The following POLRMT variants were observed in gnomAD, a reference collection of about 807,000 sequenced individuals.
POLRMT encodes the protein RNA polymerase mitochondrial.
In POLRMT, 114 loss-of-function variants were observed where a neutral mutation model predicts 132.2. The ratio of observed to expected loss-of-function variants is 0.86; its 90% confidence interval spans 0.74 to 1.01. The LOEUF (loss-of-function observed/expected upper bound fraction) is 1.01, where lower values mean the gene tolerates loss of function less well. Ranked by LOEUF, POLRMT falls within the 50% of genes least tolerant of loss-of-function variation. The pLI, the probability that POLRMT is intolerant of heterozygous loss-of-function variation, is 0.00. For missense variants in POLRMT, 2,003 were observed against 1,729.1 expected, an observed-to-expected ratio of 1.16 and a Z score of -2.81; for synonymous variants, 1,020 against 773.4, an observed-to-expected ratio of 1.32 and a Z score of -5.29.
intron 2 of POLRMT, 115 bp from the exon 3 acceptor site, chr19:630,283 A>T: frequency 7.9e-7 from 1 of 1,271,008 alleles, no homozygotes; most frequent in Non-Finnish European, 1.1e-6. Flanking sequence ...GCTGGGACCC[A>T]AGGCGTGAAT....
In POLRMT at chr19:621,441, CG is replaced by C; in HGVS notation, c.2256del (p.Ala753ProfsTer99). 1 of 1,439,272 alleles carries C rather than the reference CG, an allele frequency of 6.9e-7. No homozygotes were observed. Among genetic ancestry groups the C allele is most frequent in the Non-Finnish European group, 9.1e-7 (1 of 1,101,344 alleles). The allele number at this position is 1,439,272 out of a possible 1,614,324, so 89.2% of individuals were successfully genotyped here. A position where few individuals can be genotyped will look rare whatever the true frequency, so the allele number is the denominator to read the frequency against. On this transcript the variant is annotated frameshift_variant, in exon 10 of 21. Transcript: ENST00000588649. LOFTEE classifies it high-confidence loss of function. Reference protein sequence around the residue: ...PEAHLPHSAAPARKAELRREL... With the variant: ...PEAHLPHSAAXARKAELRREL... Reference sequence around the variant, plus strand: ...TCACGGCGCAGCTCGGCCTTGCGGGCGGGCGCGGCGCTGTGCGGCAGGTGGG... The same window carrying C: ...TCACGGCGCAGCTCGGCCTTGCGGGCGGCGCGGCGCTGTGCGGCAGGTGGG...
In POLRMT at chr19:623,110, G is replaced by A. The variant is rs1216455753; in HGVS notation, c.1291-125C>T. The stretch of plus-strand genomic sequence containing the variant: ...CCTCAAGGTCCCTGCTGTGTGTTCC[G>A]GGTAGCTCCTCACCCCGGCCTGCCC... On this transcript the variant is annotated intron_variant, in intron 6 of 20. Transcript: ENST00000588649. The A allele has an allele frequency of 4.0e-6, 5 of 1,246,030 alleles. No individual in the cohort carries two copies. In the African/African-American group the frequency reaches 4.5e-5, roughly 11 times the overall value. 77.2% of individuals were successfully genotyped at this position (1,246,030 alleles called of 1,614,324 possible). A position where few individuals can be genotyped will look rare whatever the true frequency, so the allele number is the denominator to read the frequency against.
At chr19:626,896 C>CATATATATATATATAT (rs1241035009) in intron 3 of POLRMT, among the ~76,000 whole-genome samples, 3 of 141,838 alleles carry the variant, frequency 2.1e-5, no homozygotes, top group African/African-American at 8.1e-5. Context: ...TACACACACA[C>CATATATATATATATAT]ACATATATAT....
rs537631301 is a variant in POLRMT at position 625,456 on chromosome 19, G to A, written c.823-202C>T. On this transcript the variant is annotated intron_variant, in intron 3 of 20. Coordinates refer to ENST00000588649, the MANE Select transcript of POLRMT (RefSeq NM_005035.4). Reference sequence around the variant, plus strand: ...ACCTGCAGAGGCAGCCGCATGGCCCGCCAGGTGGGACTGTGGGAGGTTCAC... The same window carrying A: ...ACCTGCAGAGGCAGCCGCATGGCCCACCAGGTGGGACTGTGGGAGGTTCAC... 3.5e-3 allele frequency: 2,145 copies of A among 606,394 alleles called. 8 individuals are homozygous for A. The highest frequency in any genetic ancestry group is 5.1e-3 in the Non-Finnish European group (1,850 of 362,720). 37.6% of individuals were successfully genotyped at this position (606,394 alleles called of 1,614,324 possible). A position where few individuals can be genotyped will look rare whatever the true frequency, so the allele number is the denominator to read the frequency against.
chr19:624,918 C>T lies in POLRMT; in HGVS notation c.954-13G>A, dbSNP rs914956611. The T allele has an allele frequency of 8.1e-6, 13 of 1,596,146 alleles. No homozygotes were observed. Among genetic ancestry groups the T allele is most frequent in the East Asian group, 6.7e-5 (3 of 44,540 alleles). ...CTGTTCCAGACACCTGTGGTGCAGG[C>T]GGCCTGCTCGAGGGACGGGCCAGCC... On this transcript the variant is annotated splice_polypyrimidine_tract_variant and intron_variant, in intron 4 of 20. Transcript: ENST00000588649.
Position 617,460 on chromosome 19 carries a change from G to A in POLRMT, c.3602C>T (p.Ala1201Val). Residue 1201 changes from alanine (A) to valine (V), a missense_variant, in exon 20 of 21, where the codon GCC (alanine) becomes GTC (valine). Physicochemically the swap from Ala to Val is moderately conservative, Grantham distance 64 (BLOSUM62 0). Transcript: ENST00000588649. ...CTGCAGTGTCTCCTTCAGCTGGCTG[G>A]CCTCCAAGATCTTCTGGGGCCTGGG... ...FCSEPQKILE[A>V]SQLKETLQAV... is the part of the protein sequence containing the mutation. The A allele has an allele frequency of 6.2e-7, 1 of 1,607,242 alleles. No homozygotes were observed. Among genetic ancestry groups the A allele is most frequent in the Non-Finnish European group, 8.5e-7 (1 of 1,176,894 alleles).
chr19:624,758 C>T lies in POLRMT; in HGVS notation c.1101G>A (p.Pro367=), dbSNP rs149469342. ...CCCTGAGCAGCTTGGAGGTGTTGAC[C>T]GGGGGCGGCAGCTGCGGCGGGAGGC... ...TFSLPPQLPP[P]VNTSKLLRDV... Residue 367 remains proline (P), a synonymous_variant, in exon 5 of 21, where the codon CCG becomes CCA. Transcript: ENST00000588649. 55 of 1,613,884 alleles carry T rather than the reference C, an allele frequency of 3.4e-5. No individual in the cohort carries two copies. Among genetic ancestry groups the T allele is most frequent in the African/African-American group, 1.6e-4 (12 of 75,044 alleles).
Position 619,952 on chromosome 19 carries a change from C to T in POLRMT, c.2886+6G>A. ...AGATGCCCCCGGGCAGCAGGGCACACCCTACCTGCGCGGCCACGCCGCTGT... is the reference window on the plus strand; with the variant it reads ...AGATGCCCCCGGGCAGCAGGGCACATCCTACCTGCGCGGCCACGCCGCTGT... On this transcript the variant is annotated splice_donor_region_variant and intron_variant, in intron 12 of 20. Transcript: ENST00000588649. 6.2e-7 allele frequency: 1 copy of T among 1,602,074 alleles called. No individual in the cohort carries two copies.
intron 17 of POLRMT, 199 bp downstream of exon 17, chr19:618,289 G>A (rs1391577780): frequency 5.2e-6 from 3 of 575,304 alleles, no homozygotes; most frequent in African/African-American, 1.9e-5. Context: ...TCCCTGTCGG[G>A]CCACAGGAGG....
At chr19:619,131 C>G in intron 14 of POLRMT, 21 bp from the exon 15 acceptor site, 1 of 1,611,178 alleles carries the variant, frequency 6.2e-7, no homozygotes, top group South Asian at 1.1e-5. Context: ...CAGGCCGTCT[C>G]AGGGCAGGGG....
chr19:621,458 G>A lies in POLRMT; in HGVS notation c.2240C>T (p.Pro747Leu), dbSNP rs1053936200. The change falls in exon 10 of 21, where the codon CCG (proline) becomes CTG (leucine). Residue 747 changes from proline (P) to leucine (L), a missense_variant. Transcript: ENST00000588649. Reference sequence around the variant, plus strand: ...CTTGCGGGCGGGCGCGGCGCTGTGCGGCAGGTGGGCCTCGGGCGGCTGGGG... The same window carrying A: ...CTTGCGGGCGGGCGCGGCGCTGTGCAGCAGGTGGGCCTCGGGCGGCTGGGG... ...EAPQPPEAHL[P>L]HSAAPARKAE... is the part of the protein sequence containing the mutation. 5 of 1,384,688 alleles carry A rather than the reference G, an allele frequency of 3.6e-6. No homozygotes were observed. Among genetic ancestry groups the A allele is most frequent in the Non-Finnish European group, 4.6e-6 (5 of 1,077,342 alleles). The allele number at this position is 1,384,688 out of a possible 1,614,324, so 85.8% of individuals were successfully genotyped here.
rs942333726 is a variant in POLRMT at position 620,060 on chromosome 19, C to T, written c.2784G>A (p.Leu928=). 2.6e-6 allele frequency: 4 copies of T among 1,545,928 alleles called. No individual in the cohort carries two copies. The highest frequency in any genetic ancestry group is 3.5e-6 in the Non-Finnish European group (4 of 1,150,518). Residue 928 remains leucine (L), a synonymous_variant, in exon 12 of 21, where the codon CTG becomes CTA. Coordinates refer to ENST00000588649, the MANE Select transcript of POLRMT (RefSeq NM_005035.4). ...PVHQDGSCNG[L]QHYAALGRDS... ...CGCGGCCCAGAGCAGCATAATGCTG[C>T]AGGCCGTTGCAAGAGCCGTCCTGAG...
Position 619,216 on chromosome 19 carries a change from G to A in POLRMT, c.3147C>T (p.Ala1049=), listed in dbSNP as rs1433899715. 1.9e-6 allele frequency: 3 copies of A among 1,611,280 alleles called. No individual in the cohort carries two copies. The highest frequency in any genetic ancestry group is 1.7e-6 in the Non-Finnish European group (2 of 1,179,520). ...GGGACAGGACAGGACGTACCTGGAT[G>A]GCCCGGGTCCCCGAGAACATCTCCT... The part of the protein sequence containing the change: ...SLQEMFSGTR[A]IQHWLTESAR... Residue 1049 remains alanine (A), a synonymous_variant, in exon 14 of 21, where the codon GCC becomes GCT. Transcript: ENST00000588649.
Position 623,007 on chromosome 19 carries a change from G to A in POLRMT, c.1291-22C>T, listed in dbSNP as rs41557116. 1.8e-3 allele frequency: 2,819 copies of A among 1,607,482 alleles called. 5 individuals are homozygous for A. The highest frequency in any genetic ancestry group is 0.013 in the Middle Eastern group (76 of 6,030). On this transcript the variant is annotated intron_variant, in intron 6 of 20. Coordinates refer to ENST00000588649, the MANE Select transcript of POLRMT (RefSeq NM_005035.4). ...TCCGCTGCGGGGGATGAACGGGCCC[G>A]GTGAGCCCCGTGGCAGCTGGTGGGA...
rs775420036 is a variant in POLRMT, at chr19:618,565, C to T, written c.3345G>A (p.Gln1115=). The T allele has an allele frequency of 3.8e-5, 62 of 1,613,202 alleles. No individual in the cohort carries two copies. In the Middle Eastern group the frequency reaches 6.6e-4, roughly 17 times the overall value. Residue 1115 remains glutamine (Q), a synonymous_variant, in exon 17 of 21, where the codon CAG becomes CAA. Coordinates refer to ENST00000588649, the MANE Select transcript of POLRMT (RefSeq NM_005035.4). ...TGAAGTTGGGCGGGAAGCCGTTCTT[C>T]TGCTTACGTGTGTTGGGCTTTCTGA... ...DISRKPNTRK[Q]KNGFPPNFIH... is the part of the protein sequence containing the mutation.
chr19:623,415 G>A (rs978383674), intron 6 of POLRMT, 39 bp downstream of exon 6: 2 of 1,177,534 alleles, frequency 1.7e-6, no homozygotes, highest in African/African-American at 2.8e-5. Flanking sequence ...CCCCGGCTCA[G>A]CCCCTGCGGC....
At chr19:632,009 T>C (rs567989198) in intron 2 of POLRMT, among the ~76,000 whole-genome samples, 1 of 151,860 alleles carries the variant, frequency 6.6e-6, no homozygotes, top group South Asian at 2.1e-4. Flanking sequence ...TCATGACCTC[T>C]TGATCCGCCC....
chr19:617,811 C>A lies in POLRMT; in HGVS notation c.3461G>T (p.Trp1154Leu). 1.9e-6 allele frequency: 3 copies of A among 1,613,332 alleles called. No homozygotes were observed. Among genetic ancestry groups the A allele is most frequent in the Non-Finnish European group, 2.5e-6 (3 of 1,179,930 alleles). ...LTFVSVHDCY[W>L]THAADVSVMN... ...GACGGAGACATCAGCTGCGTGAGTC[C>A]AGTAACAGTCGTGCACAGAGACGAA... Residue 1154 changes from tryptophan (W) to leucine (L), a missense_variant, in exon 18 of 21, where the codon TGG becomes TTG. Coordinates refer to ENST00000588649, the MANE Select transcript of POLRMT (RefSeq NM_005035.4).
At chr19:618,859 TGGCACACTGGCGCGGGATGGG>T in intron 15 of POLRMT, 99 bp from the exon 16 acceptor site, 1 of 1,421,178 alleles carries the variant, frequency 7.0e-7, no homozygotes, top group African/African-American at 1.4e-5. Context: ...GCTAGGATGG[TGGCACACTGGCGCGGGATGGG>T]GTGGCACACT....
Sources: allele counts gnomAD v4.1 joint callset (sites outside exome capture counted in the v4.1 genomes callset), GRCh38; gene constraint gnomAD v4.1.1; transcripts MANE v1.5; gene names NCBI Gene and HGNC (gene_info 2026-07-23, HGNC 2026-07-21).